The following CADM2 variants were observed in gnomAD, a reference collection of about 807,000 sequenced individuals.
The protein encoded by CADM2 is immunoglobulin superfamily member 4D.
Under a neutral mutation model 49.8 loss-of-function variants are expected in CADM2, and 12 were observed. That is an observed-to-expected ratio of 0.24 (90% confidence interval 0.15 to 0.39). The LOEUF is 0.39. Among genes scored for constraint, CADM2 ranks in the 10% least tolerant of loss-of-function variants. The pLI, the probability that CADM2 is intolerant of heterozygous loss-of-function variation, is 1.00. For synonymous variants in CADM2, 214 were observed against 175.4 expected, an observed-to-expected ratio of 1.22 and a Z score of -1.74; for missense variants, 378 against 492.3, an observed-to-expected ratio of 0.77 and a Z score of 2.20.
chr3:85,283,149 TG>T (rs1216670834), intron 1 of CADM2, among the ~76,000 whole-genome samples: 1 of 152,068 alleles, frequency 6.6e-6, no homozygotes, highest in Non-Finnish European at 1.5e-5. Context: ...TTCTTTGATA[TG>T]TTCATCAAAT....
At chr3:85,077,881 A>G (rs2037008567) in intron 1 of CADM2, among the ~76,000 whole-genome samples, 1 of 152,092 alleles carries the variant, frequency 6.6e-6, no homozygotes, top group African/African-American at 2.4e-5. Context: ...CAATTAACCT[A>G]TTTGATATTA....
chr3:85,725,387 T>C (rs761781325), intron 1 of CADM2, among the ~76,000 whole-genome samples: 1 of 151,950 alleles, frequency 6.6e-6, no homozygotes, highest in Non-Finnish European at 1.5e-5. Flanking sequence ...TCATAATTAC[T>C]AGATCTAAAA....
chr3:85,203,593 A>G (rs2041562193), intron 1 of CADM2, among the ~76,000 whole-genome samples: 1 of 152,226 alleles, frequency 6.6e-6, no homozygotes, highest in Non-Finnish European at 1.5e-5. Context: ...CCGAATTGGG[A>G]CAAAGATATG....
chr3:85,386,290 G>T (rs561897559), intron 1 of CADM2, among the ~76,000 whole-genome samples: 2 of 152,284 alleles, frequency 1.3e-5, no homozygotes, highest in East Asian at 3.9e-4. Context: ...GGTAGAGATT[G>T]TAGGGAACGT....
intron 1 of CADM2, among the ~76,000 whole-genome samples, chr3:85,354,556 G>T (rs1349777186): frequency 6.7e-6 from 1 of 148,522 alleles, no homozygotes; most frequent in Non-Finnish European, 1.5e-5. Context: ...AAGTGTAAAT[G>T]CATATGTTTG....
chr3:85,568,449 T>C lies in CADM2; in HGVS notation c.62-158073T>C, dbSNP rs1394945162. ...TTTCTTTCTTTCTTTCTTTCTTTCT[T>C]TCTTTCTTTCTTTCTCTTTCTCTCT... is the stretch of plus-strand genomic sequence containing the variant. On this transcript the variant is annotated intron_variant, in intron 1 of 9. Coordinates refer to ENST00000383699, the MANE Select transcript of CADM2 (RefSeq NM_001167675.2). Among the ~76,000 whole-genome samples the C allele has an allele frequency of 8.9e-3, 247 of 27,770 alleles. 11 individuals carry two copies. The highest frequency in any genetic ancestry group is 0.024 in the African/African-American group (230 of 9,640). 18.2% of individuals were successfully genotyped at this position (27,770 alleles called of 152,430 possible).
At chr3:85,466,533 G>A (rs1166674678) in intron 1 of CADM2, among the ~76,000 whole-genome samples, 1 of 152,094 alleles carries the variant, frequency 6.6e-6, no homozygotes, top group African/African-American at 2.4e-5. Flanking sequence ...ACTCTAGCTT[G>A]ACTGCTACAT....
intron 1 of CADM2, among the ~76,000 whole-genome samples, chr3:85,320,305 A>T (rs2044567114): frequency 6.6e-6 from 1 of 152,334 alleles, no homozygotes; most frequent in South Asian, 2.1e-4. Flanking sequence ...AATACTGATC[A>T]AGTCAACTAA....
At chr3:85,346,815 A>G (rs1446964354) in intron 1 of CADM2, among the ~76,000 whole-genome samples, 4 of 152,226 alleles carry the variant, frequency 2.6e-5, no homozygotes, top group Non-Finnish European at 4.4e-5. Context: ...TTGATTTTAG[A>G]TAGTGTTAAT....
chr3:85,031,357 A>C (rs1188592708), intron 1 of CADM2, among the ~76,000 whole-genome samples: 1 of 152,122 alleles, frequency 6.6e-6, no homozygotes, highest in East Asian at 1.9e-4. Context: ...AACAAGTGAA[A>C]TATTTATCTT....
chr3:85,034,790 C>CTTT (rs1179967499), intron 1 of CADM2, among the ~76,000 whole-genome samples: 29 of 84,054 alleles, frequency 3.5e-4, no homozygotes, highest in African/African-American at 5.4e-4. Context: ...AGACATTTTG[C>CTTT]TTTTTTTTTT....
intron 1 of CADM2, among the ~76,000 whole-genome samples, chr3:85,199,367 GT>G (rs1257278905): frequency 0.052 from 7,587 of 146,734 alleles, 700 homozygotes; most frequent in African/African-American, 0.19. Context: ...GTGTGTGTGT[GT>G]ATGAGAGAGA....
intron 8 of CADM2, among the ~76,000 whole-genome samples, chr3:86,009,146 G>GAT (rs111325694): frequency 0.068 from 9,637 of 141,638 alleles, 806 homozygotes; most frequent in African/African-American, 0.19. Flanking sequence ...TATATATATA[G>GAT]ATATATATAT....
chr3:85,922,106 C>T (rs1674232108), intron 6 of CADM2, among the ~76,000 whole-genome samples: 1 of 151,194 alleles, frequency 6.6e-6, no homozygotes, highest in Admixed American at 6.6e-5. Flanking sequence ...CTTCCTCTTC[C>T]TTCTCCTCCT....
intron 8 of CADM2, chr3:86,012,488 A>G: frequency 1.0e-6 from 1 of 984,628 alleles, no homozygotes; most frequent in Non-Finnish European, 1.4e-6. Flanking sequence ...CTCCTCCGTG[A>G]CCCGGACCAG....
intron 3 of CADM2, among the ~76,000 whole-genome samples, chr3:85,806,830 T>C (rs1333177675): frequency 1.3e-5 from 2 of 152,080 alleles, no homozygotes; most frequent in Non-Finnish European, 2.9e-5. Context: ...GTGGGGGAAT[T>C]GGCTAAGGTG....
chr3:84,986,428 T>C (rs1430208032), intron 1 of CADM2, among the ~76,000 whole-genome samples: 3 of 152,128 alleles, frequency 2.0e-5, no homozygotes, highest in Non-Finnish European at 2.9e-5. Flanking sequence ...CTCAAATGAA[T>C]ATAGAAAGAA....
At chr3:86,009,693 T>A (rs1731255589) in intron 8 of CADM2, among the ~76,000 whole-genome samples, 1 of 151,862 alleles carries the variant, frequency 6.6e-6, no homozygotes, top group South Asian at 2.1e-4. Context: ...AAAATTATTA[T>A]TTTTTTATGG....
chr3:85,409,975 G>C (rs771499006), intron 1 of CADM2, among the ~76,000 whole-genome samples: 1 of 152,056 alleles, frequency 6.6e-6, no homozygotes, highest in South Asian at 2.1e-4. Flanking sequence ...CTGCCTTACT[G>C]ACAACTCTTG....
Sources: allele counts gnomAD v4.1 joint callset (sites outside exome capture counted in the v4.1 genomes callset), GRCh38; gene constraint gnomAD v4.1.1; transcripts MANE v1.5; gene names NCBI Gene and HGNC (gene_info 2026-07-23, HGNC 2026-07-21).